Variants in MACF1 observed in about 807,000 individuals in gnomAD.
The protein encoded by MACF1 is microtubule-actin cross-linking factor 1.
MACF1 carries 193 observed loss-of-function variants against 854.8 expected under a neutral mutation model. That is an observed-to-expected ratio of 0.23 (90% confidence interval 0.20 to 0.25). The LOEUF is 0.25. MACF1 is among the 10% of genes least tolerant of loss of function. The pLI is 1.00. For synonymous variants in MACF1, 3,185 were observed against 3,226.7 expected, an observed-to-expected ratio of 0.99 and a Z score of 0.44; for missense variants, 7,722 against 8,929.1, an observed-to-expected ratio of 0.86 and a Z score of 5.45.
At position 39,429,225 on chromosome 1, in the gene MACF1, G is replaced by T; in HGVS notation, c.16804-17G>T. Reference sequence around the variant, plus strand: ...TAGTGCCACAGTTTCAGGATTAATGGTATTCTTTCCTTTCAGGCTTTAAAT... The same window carrying T: ...TAGTGCCACAGTTTCAGGATTAATGTTATTCTTTCCTTTCAGGCTTTAAAT... On this transcript the variant is annotated splice_polypyrimidine_tract_variant and intron_variant, in intron 63 of 100. Coordinates refer to ENST00000564288, the MANE Select transcript of MACF1 (RefSeq NM_001394062.1). 1.6e-6 allele frequency: 2 copies of T among 1,277,654 alleles called. No homozygotes were observed. The highest frequency in any genetic ancestry group is 2.3e-5 in the East Asian group (1 of 42,994). 79.1% of individuals were successfully genotyped at this position (1,277,654 alleles called of 1,614,324 possible). A position where few individuals can be genotyped will look rare whatever the true frequency, so the allele number is the denominator to read the frequency against.
At chr1:39,351,733 C>T (rs1647191704) in intron 43 of MACF1, among the ~76,000 whole-genome samples, 1 of 151,928 alleles carries the variant, frequency 6.6e-6, no homozygotes, top group Admixed American at 6.6e-5. Context: ...ACTACAGATG[C>T]ATGCCACCAC....
rs1448085201 is a variant in MACF1, at chr1:39,434,399, TTTTTG to T, written c.17566-14_17566-10del. On this transcript the variant is annotated splice_polypyrimidine_tract_variant and intron_variant, in intron 68 of 100. Transcript: ENST00000564288. ...GTAATACTTATCCTTTTTTTTTTTT[TTTTTG>T]CTCACATAGGAAAAGACAGAGTCTC... 1 of 1,430,066 alleles carries T rather than the reference TTTTTG, an allele frequency of 7.0e-7. No individual in the cohort carries two copies. The highest frequency in any genetic ancestry group is 9.5e-7 in the Non-Finnish European group (1 of 1,051,154). The allele number at this position is 1,430,066 out of a possible 1,614,324, so 88.6% of individuals were successfully genotyped here. A position where few individuals can be genotyped will look rare whatever the true frequency, so the allele number is the denominator to read the frequency against.
At position 39,428,196 on chromosome 1, in the gene MACF1, A is replaced by T. The variant is rs765563414; in HGVS notation, c.16712A>T (p.Asn5571Ile). The T allele has an allele frequency of 1.2e-6, 2 of 1,614,136 alleles. No individual in the cohort carries two copies. Among genetic ancestry groups the T allele is most frequent in the Admixed American group, 3.3e-5 (2 of 59,996 alleles). ...LFGEDEVEVL[N>I]WLAEVEDKLS... ...GGGGAGGATGAGGTGGAGGTGCTCA[A>T]CTGGCTGGCTGAGGTTGAGGACAAG... is the stretch of plus-strand genomic sequence containing the variant. Residue 5571 changes from asparagine (N) to isoleucine (I), a missense_variant, in exon 63 of 101, where the codon AAC becomes ATC. By Grantham distance (149) the Asn-to-Ile change is moderately radical. Coordinates refer to ENST00000564288, the MANE Select transcript of MACF1 (RefSeq NM_001394062.1).
At chr1:39,371,319 C>CAA (rs764951315) in intron 51 of MACF1, among the ~76,000 whole-genome samples, 32 of 81,042 alleles carry the variant, frequency 3.9e-4, no homozygotes, top group East Asian at 6.9e-4. Flanking sequence ...GACTCTGTCT[C>CAA]AAAAAAAAAA....
At chr1:39,164,441 T>C (rs1272829125) in intron 2 of MACF1, among the ~76,000 whole-genome samples, 1 of 152,206 alleles carries the variant, frequency 6.6e-6, no homozygotes, top group Non-Finnish European at 1.5e-5. Context: ...GCTCAGATGT[T>C]TTATTATCCA....
chr1:39,177,917 C>T (rs1010086178), intron 2 of MACF1, among the ~76,000 whole-genome samples: 8 of 151,990 alleles, frequency 5.3e-5, no homozygotes, highest in African/African-American at 1.9e-4. Flanking sequence ...TAAAACTCCC[C>T]ATTGAATAAG....
chr1:39,353,627 C>T (rs754623491), intron 44 of MACF1, among the ~76,000 whole-genome samples: 3 of 152,120 alleles, frequency 2.0e-5, no homozygotes, highest in Non-Finnish European at 2.9e-5. Flanking sequence ...AGCTTCAAAA[C>T]GGTATATAAA....
At chr1:39,146,920 A>G (rs1233135033) in intron 2 of MACF1, among the ~76,000 whole-genome samples, 1 of 152,178 alleles carries the variant, frequency 6.6e-6, no homozygotes, top group Non-Finnish European at 1.5e-5. Flanking sequence ...ATTAGTATAC[A>G]TTGCATGCCT....
In MACF1 at chr1:39,383,977, T is replaced by C. The variant is rs1017258692; in HGVS notation, c.13849-1457T>C. The stretch of plus-strand genomic sequence containing the variant: ...ATATCTGTTACAATATCGAATGCCA[T>C]GTAGCTTCTGGGAAACATCATTGAA... On this transcript the variant is annotated intron_variant, in intron 56 of 100. Transcript: ENST00000564288. Among the ~76,000 whole-genome samples the C allele has an allele frequency of 1.3e-5, 2 of 151,786 alleles. 1 individual carries two copies. The highest frequency in any genetic ancestry group is 1.3e-4 in the Admixed American group (2 of 15,262).
intron 22 of MACF1, among the ~76,000 whole-genome samples, chr1:39,302,212 G>T (rs1023995212): frequency 2.0e-5 from 3 of 152,064 alleles, no homozygotes; most frequent in African/African-American, 7.2e-5. Flanking sequence ...TGCCTAGGCT[G>T]GTCTTGAACT....
At chr1:39,187,527 C>T (rs988510623) in intron 2 of MACF1, among the ~76,000 whole-genome samples, 5 of 152,038 alleles carry the variant, frequency 3.3e-5, no homozygotes, top group Admixed American at 6.6e-5. Flanking sequence ...GAGCTGATGT[C>T]GTATTTCATG....
chr1:39,282,796 T>G (rs1557561934), intron 7 of MACF1, among the ~76,000 whole-genome samples: 1 of 151,992 alleles, frequency 6.6e-6, no homozygotes, highest in Non-Finnish European at 1.5e-5. Flanking sequence ...GAAATACAAA[T>G]GCAAAGGGCC....
In MACF1 at chr1:39,309,620, T is replaced by C. The variant is rs751507650; in HGVS notation, c.2840T>C (p.Val947Ala). ...KVMALWHQLH[V>A]NTKSLISWNY... The stretch of plus-strand genomic sequence containing the variant: ...ATGGCCCTTTGGCATCAGCTGCATG[T>C]TAACACCAAAAGCCTTATCTCTTGG... Residue 947 changes from valine to alanine, a missense_variant, in exon 24 of 101, where the codon GTT (valine) becomes GCT (alanine). This residue lies in a region of MACF1 where 1,137 missense variants were observed against 1,263.0 expected (regional missense o/e 0.90). Transcript: ENST00000564288. 8.1e-6 allele frequency: 13 copies of C among 1,614,078 alleles called. No homozygotes were observed. The South Asian group carries it at 1.3e-4, about 16-fold the overall frequency.
chr1:39,095,253 G>T (rs754109529), intron 2 of MACF1, among the ~76,000 whole-genome samples: 2 of 152,074 alleles, frequency 1.3e-5, no homozygotes, highest in African/African-American at 2.4e-5. Flanking sequence ...GGGGTCTCAT[G>T]ATTATAGTCA....
chr1:39,124,502 G>C (rs1414627275), intron 2 of MACF1, among the ~76,000 whole-genome samples: 1 of 152,174 alleles, frequency 6.6e-6, no homozygotes, highest in Non-Finnish European at 1.5e-5. Context: ...ACTGAGTCTA[G>C]CACAGCCTAG....
intron 2 of MACF1, among the ~76,000 whole-genome samples, chr1:39,145,307 T>C (rs924864084): frequency 2.0e-5 from 3 of 152,204 alleles, no homozygotes; most frequent in Non-Finnish European, 4.4e-5. Flanking sequence ...AATAAGTAAT[T>C]TAGTCTTTTA....
chr1:39,236,405 TTG>T (rs1644859799), intron 2 of MACF1, among the ~76,000 whole-genome samples: 1 of 152,220 alleles, frequency 6.6e-6, no homozygotes. Flanking sequence ...TTTCCCAAGT[TTG>T]TTCTGCCTGG....
chr1:39,382,885 C>T (rs150902307), intron 56 of MACF1, among the ~76,000 whole-genome samples: 4,791 of 151,972 alleles, frequency 0.032, 257 homozygotes, highest in African/African-American at 0.11. Context: ...CTTTGGGAGG[C>T]TAAGGTGGGT....
At position 39,323,034 on chromosome 1, in the gene MACF1, T is replaced by C. The variant is rs759426075; in HGVS notation, c.4236+26T>C. ...GTGAGGACAGTTGGGTCCAAAGTCA[T>C]CTTGAAAGTACAGTAAAACATCTTA... On this transcript the variant is annotated intron_variant, in intron 33 of 100. Transcript: ENST00000564288. The C allele has an allele frequency of 1.9e-6, 3 of 1,602,184 alleles. No individual in the cohort carries two copies. In the Admixed American group the frequency reaches 5.0e-5, roughly 27 times the overall value.
Sources: allele counts gnomAD v4.1 joint callset (sites outside exome capture counted in the v4.1 genomes callset), GRCh38; gene constraint gnomAD v4.1.1; regional missense constraint gnomAD v4.1.1; transcripts MANE v1.5; gene names NCBI Gene and HGNC (gene_info 2026-07-23, HGNC 2026-07-21).